Variants in GDNF observed in about 807,000 individuals in gnomAD.
The protein encoded by GDNF is glial cell derived neurotrophic factor, also known as glial cell line-derived neurotrophic factor.
GDNF carries 5 observed loss-of-function variants against 13.7 expected under a neutral mutation model. The ratio of observed to expected loss-of-function variants is 0.36; its 90% CI spans 0.19 to 0.77. The LOEUF (loss-of-function observed/expected upper bound fraction) is 0.77, where lower values mean the gene tolerates loss of function less well. GDNF is among the 30% of genes least tolerant of loss of function. GDNF has a pLI of 0.51. For synonymous variants in GDNF, 122 were observed against 112.5 expected (o/e 1.08, Z -0.53); for missense variants, 246 against 274.3 (o/e 0.90, Z 0.73).
chr5:37,822,799 T>A (rs988223095), intron 2 of GDNF, among the ~76,000 whole-genome samples: 1 of 152,206 alleles, frequency 6.6e-6, no homozygotes, highest in South Asian at 2.1e-4. Flanking sequence ...TACATACTTA[T>A]ATGAAAAGAA....
In GDNF at chr5:37,814,734, T is replaced by TG; in HGVS notation, c.*916dup. ...TCTATATTTCTGTATCTGAAACAGATGCATTGCATCGAGTAGCTTCTCTGG... is the reference window on the plus strand; with the variant it reads ...TCTATATTTCTGTATCTGAAACAGATGGCATTGCATCGAGTAGCTTCTCTGG... On this transcript the variant is annotated 3_prime_UTR_variant, in exon 3 of 3. Transcript: ENST00000326524. 6.6e-6 allele frequency: 1 copy of TG among 152,374 alleles called. No homozygotes were observed. The highest frequency in any genetic ancestry group is 1.9e-4 in the East Asian group (1 of 5,186). The allele number at this position is 152,374 out of a possible 1,614,324, so 9.4% of individuals were successfully genotyped here. A position where few individuals can be genotyped will look rare whatever the true frequency, so the allele number is the denominator to read the frequency against.
chr5:37,815,989 G>A lies in GDNF; in HGVS notation c.298C>T (p.Pro100Ser), dbSNP rs1749913475. 6.2e-7 allele frequency: 1 copy of A among 1,613,800 alleles called. No homozygotes were observed. Among genetic ancestry groups the A allele is most frequent in the African/African-American group, 1.3e-5 (1 of 74,892 alleles). ...ERNRQAAAAN[P>S]ENSRGKGRRG... ...CGACCTTTTCCTCTGGAATTCTCTGGGTTGGCAGCTGCAGCCTGCCGATTC... is the reference window on the plus strand; with the variant it reads ...CGACCTTTTCCTCTGGAATTCTCTGAGTTGGCAGCTGCAGCCTGCCGATTC... Residue 100 changes from proline to serine, a missense_variant, in exon 3 of 3, where the codon CCA (proline) becomes TCA (serine). By Grantham distance (74) the Pro-to-Ser change is moderately conservative. Transcript: ENST00000326524. This position sits in a 1 kb window ranked among gnomAD's most constrained non-coding sequence, Gnocchi z 5.0.
chr5:37,820,350 T>C (rs1023562829), intron 2 of GDNF, among the ~76,000 whole-genome samples: 1 of 152,250 alleles, frequency 6.6e-6, no homozygotes, highest in African/African-American at 2.4e-5. Context: ...TCAGCACTTA[T>C]AGTGTTCTTT....
chr5:37,822,799 T>C (rs988223095), intron 2 of GDNF, among the ~76,000 whole-genome samples: 3 of 152,206 alleles, frequency 2.0e-5, no homozygotes, highest in Non-Finnish European at 4.4e-5. Context: ...TACATACTTA[T>C]ATGAAAAGAA....
chr5:37,822,527 G>A (rs1750176364), intron 2 of GDNF, among the ~76,000 whole-genome samples: 1 of 152,216 alleles, frequency 6.6e-6, no homozygotes, highest in African/African-American at 2.4e-5. Flanking sequence ...TGCTGCACCT[G>A]CGGCTGCCGA....
chr5:37,819,908 G>A (rs1283429276), intron 2 of GDNF, among the ~76,000 whole-genome samples: 1 of 152,088 alleles, frequency 6.6e-6, no homozygotes, highest in Admixed American at 6.6e-5. Context: ...TTAGCTATTG[G>A]TGATTTCTTT....
At chr5:37,825,422 AG>A (rs1343296682) in intron 2 of GDNF, among the ~76,000 whole-genome samples, 4 of 152,214 alleles carry the variant, frequency 2.6e-5, no homozygotes, top group African/African-American at 4.8e-5. Flanking sequence ...AACACCCAAC[AG>A]GGTGTTCATT....
chr5:37,823,688 G>A (rs1402189535), intron 2 of GDNF, among the ~76,000 whole-genome samples: 3 of 152,176 alleles, frequency 2.0e-5, no homozygotes, highest in African/African-American at 7.2e-5. Flanking sequence ...CTGCAGAGTT[G>A]GAGACAAGAG....
chr5:37,813,884 AG>A lies in GDNF; in HGVS notation c.*1766del, dbSNP rs1200493035. On this transcript the variant is annotated 3_prime_UTR_variant, in exon 3 of 3. Transcript: ENST00000326524. ...GCCCCGACCACCTTCATTTAAAGGCAGCACGCTCCTAAGTATGAGGCTCCAT... is the reference window on the plus strand; with the variant it reads ...GCCCCGACCACCTTCATTTAAAGGCACACGCTCCTAAGTATGAGGCTCCAT... The A allele has an allele frequency of 6.5e-6, 1 of 152,926 alleles. No individual in the cohort carries two copies. The highest frequency in any genetic ancestry group is 1.5e-5 in the Non-Finnish European group (1 of 68,294). 9.5% of individuals were successfully genotyped at this position (152,926 alleles called of 1,614,324 possible).
Position 37,816,039 on chromosome 5 carries a change from A to G in GDNF, c.248T>C (p.Met83Thr), listed in dbSNP as rs1376789379. 1.9e-6 allele frequency: 3 copies of G among 1,613,516 alleles called. No homozygotes were observed. The highest frequency in any genetic ancestry group is 3.3e-5 in the Admixed American group (2 of 59,972). Reference sequence around the variant, plus strand: ...CCGCTCTCTTCTAGGAAGCACTGCCATTTGTTTATCTGGTGACCTTTTCAG... The same window carrying G: ...CCGCTCTCTTCTAGGAAGCACTGCCGTTTGTTTATCTGGTGACCTTTTCAG... ...KRLKRSPDKQMAVLPRRERNR... is the reference protein window; with the variant it reads ...KRLKRSPDKQTAVLPRRERNR... Residue 83 changes from methionine to threonine, a missense_variant, in exon 3 of 3, where the codon ATG becomes ACG. Physicochemically the swap from Met to Thr is moderately conservative, Grantham distance 81. Transcript: ENST00000326524.
intron 2 of GDNF, among the ~76,000 whole-genome samples, chr5:37,832,603 A>G (rs890377229): frequency 2.0e-5 from 3 of 152,204 alleles, no homozygotes; most frequent in East Asian, 1.9e-4. Flanking sequence ...CACTGATGAC[A>G]CAGCATCAAT....
intron 2 of GDNF, among the ~76,000 whole-genome samples, chr5:37,821,921 G>A (rs773289956): frequency 3.9e-5 from 6 of 152,128 alleles, no homozygotes; most frequent in Non-Finnish European, 7.4e-5. Flanking sequence ...AAGTCTTTTC[G>A]TAAAATGCCA....
intron 2 of GDNF, among the ~76,000 whole-genome samples, chr5:37,831,178 C>G (rs1750511166): frequency 6.6e-6 from 1 of 151,434 alleles, no homozygotes; most frequent in African/African-American, 2.5e-5. Context: ...TGCTCAATGT[C>G]ATTTTAGTTG....
chr5:37,818,936 C>A (rs1561127877), intron 2 of GDNF, among the ~76,000 whole-genome samples: 1 of 152,140 alleles, frequency 6.6e-6, no homozygotes, highest in Non-Finnish European at 1.5e-5. Context: ...GCGCCTCCCC[C>A]TCCACCATAA....
intron 2 of GDNF, among the ~76,000 whole-genome samples, chr5:37,833,566 C>G (rs146797580): frequency 6.6e-6 from 1 of 152,200 alleles, no homozygotes; most frequent in African/African-American, 2.4e-5. Context: ...CTAGCCAAGG[C>G]CATTGGGTTT....
chr5:37,826,981 A>C, intron 2 of GDNF, among the ~76,000 whole-genome samples: 1 of 152,220 alleles, frequency 6.6e-6, no homozygotes, highest in East Asian at 1.9e-4. Context: ...TGATGTGAGG[A>C]CATAGTGCCA....
At chr5:37,831,339 A>T (rs1750516370) in intron 2 of GDNF, among the ~76,000 whole-genome samples, 1 of 152,246 alleles carries the variant, frequency 6.6e-6, no homozygotes, top group South Asian at 2.1e-4. Flanking sequence ...AGGTATCCCT[A>T]GCACTTAGGA....
chr5:37,836,259 C>T (rs1750699695), intron 1 of GDNF, among the ~76,000 whole-genome samples: 1 of 152,024 alleles, frequency 6.6e-6, no homozygotes, highest in African/African-American at 2.4e-5. Flanking sequence ...AACCTCAGTG[C>T]CTTTCCTAGC....
chr5:37,834,030 T>TCCC (rs1750611200), intron 2 of GDNF, among the ~76,000 whole-genome samples: 1 of 152,228 alleles, frequency 6.6e-6, no homozygotes, highest in South Asian at 2.1e-4. Flanking sequence ...TTGTCCCTAG[T>TCCC]CCCAGCCAGC....
Sources: gnomAD v4.1 joint callset for allele counts (sites outside exome capture counted in the v4.1 genomes callset) on GRCh38, gnomAD v4.1.1 for gene constraint, Gnocchi (gnomAD v3.1) non-coding constraint, MANE v1.5 for transcripts, NCBI Gene and HGNC (gene_info 2026-07-23, HGNC 2026-07-21) for gene names.